The following INVS variants were observed in gnomAD, a reference collection of about 807,000 sequenced individuals.
The protein encoded by INVS is inversion of embryo turning homolog.
In INVS, 86 loss-of-function variants were observed where a neutral mutation model predicts 108.8. The observed-to-expected ratio is 0.79, with a 90% confidence interval of 0.66 to 0.95. INVS has a LOEUF of 0.95. Among genes scored for constraint, INVS ranks in the 40% least tolerant of loss-of-function variants. The pLI is 0.00. For missense variants in INVS, 1,169 were observed against 1,297.4 expected (o/e 0.90, Z 1.52); for synonymous variants, 455 against 473.5 (o/e 0.96, Z 0.51).
chr9:100,165,330 GT>G (rs1829327523), intron 3 of INVS, among the ~76,000 whole-genome samples: 1 of 152,090 alleles, frequency 6.6e-6, no homozygotes. Flanking sequence ...CACTGTGTCT[GT>G]TTTTATGATG....
intron 3 of INVS, among the ~76,000 whole-genome samples, chr9:100,199,617 AAACTT>A (rs1408072336): frequency 6.6e-6 from 1 of 152,188 alleles, no homozygotes; most frequent in Non-Finnish European, 1.5e-5. Context: ...ATGCCTCAGA[AAACTT>A]AACTATATCA....
chr9:100,282,103 C>T (rs115089054), intron 12 of INVS, among the ~76,000 whole-genome samples: 7 of 152,310 alleles, frequency 4.6e-5, no homozygotes, highest in Admixed American at 3.3e-4. Flanking sequence ...CCCTGCTCAT[C>T]GGTGCTGATA....
intron 3 of INVS, among the ~76,000 whole-genome samples, chr9:100,161,311 A>G (rs1829169512): frequency 7.2e-6 from 1 of 139,552 alleles, no homozygotes; most frequent in African/African-American, 2.8e-5. Context: ...AGGAGACGAG[A>G]TCGCACCACT....
In INVS at chr9:100,301,836, C is replaced by A. The variant is rs907491773; in HGVS notation, c.*1162C>A. On this transcript the variant is annotated 3_prime_UTR_variant, in exon 17 of 17. Coordinates refer to ENST00000262457, the MANE Select transcript of INVS (RefSeq NM_014425.5). ...TTATTACATTCATCGTTTTTGTGAT[C>A]ACAAAAACACAAAGAAGGAGGTCTG... Among the ~76,000 whole-genome samples the A allele has an allele frequency of 6.6e-6, 1 of 152,040 alleles. No homozygotes were observed. Among genetic ancestry groups the A allele is most frequent in the Non-Finnish European group, 1.5e-5 (1 of 68,016 alleles).
chr9:100,248,500 G>T (rs990838950), intron 8 of INVS, among the ~76,000 whole-genome samples: 3 of 151,210 alleles, frequency 2.0e-5, no homozygotes, highest in Non-Finnish European at 4.4e-5. Flanking sequence ...CCATTAAAAA[G>T]AGGTCTTACC....
At chr9:100,290,578 C>T (rs1461236009) in intron 13 of INVS, among the ~76,000 whole-genome samples, 1 of 152,128 alleles carries the variant, frequency 6.6e-6, no homozygotes, top group Non-Finnish European at 1.5e-5. Flanking sequence ...TCTCGAACTC[C>T]CGACCTCAGG....
At chr9:100,164,824 T>G (rs1325735960) in intron 3 of INVS, among the ~76,000 whole-genome samples, 8 of 152,094 alleles carry the variant, frequency 5.3e-5, no homozygotes, top group Admixed American at 1.3e-4. Flanking sequence ...TATATTGTGA[T>G]TGGCTGATAT....
At chr9:100,273,714 T>G (rs1050681823) in intron 12 of INVS, among the ~76,000 whole-genome samples, 6 of 151,394 alleles carry the variant, frequency 4.0e-5, no homozygotes, top group African/African-American at 7.3e-5. Context: ...ATTTTTGTAT[T>G]TTTAGTAGAG....
chr9:100,175,480 T>A, intron 3 of INVS: 2 of 820,712 alleles, frequency 2.4e-6, no homozygotes, highest in Non-Finnish European at 4.3e-6. Flanking sequence ...AGTGATAGAT[T>A]TCAGAGACAG....
intron 2 of INVS, among the ~76,000 whole-genome samples, chr9:100,119,798 T>A (rs1827668666): frequency 6.6e-6 from 1 of 152,198 alleles, no homozygotes; most frequent in Non-Finnish European, 1.5e-5. Context: ...GATCTGGTGA[T>A]CTGCCCACCT....
chr9:100,108,325 A>G (rs994378042), intron 2 of INVS, among the ~76,000 whole-genome samples: 13 of 152,196 alleles, frequency 8.5e-5, no homozygotes, highest in Admixed American at 6.6e-5. Context: ...TCTGTTTTCT[A>G]TCATCTTGTC....
At chr9:100,221,055 T>C (rs1831132458) in intron 3 of INVS, among the ~76,000 whole-genome samples, 1 of 151,828 alleles carries the variant, frequency 6.6e-6, no homozygotes, top group Admixed American at 6.6e-5. Context: ...ACATAAGAAC[T>C]CCTCAGTTCA....
At chr9:100,162,107 A>G (rs1008506757) in intron 3 of INVS, among the ~76,000 whole-genome samples, 1 of 152,210 alleles carries the variant, frequency 6.6e-6, no homozygotes, top group African/African-American at 2.4e-5. Flanking sequence ...TGGTATAATA[A>G]TAAGTAACGG....
At chr9:100,197,633 T>G (rs1830416577) in intron 3 of INVS, among the ~76,000 whole-genome samples, 1 of 152,128 alleles carries the variant, frequency 6.6e-6, no homozygotes, top group African/African-American at 2.4e-5. Context: ...ATAGGCATGA[T>G]TAACAACCAT....
At chr9:100,257,678 G>C (rs983058273) in intron 10 of INVS, among the ~76,000 whole-genome samples, 7 of 152,192 alleles carry the variant, frequency 4.6e-5, no homozygotes, top group African/African-American at 1.7e-4. Context: ...GCTTAGTTTG[G>C]CTGGATATGA....
chr9:100,254,430 A>G (rs1018233975), intron 10 of INVS, among the ~76,000 whole-genome samples: 5 of 152,122 alleles, frequency 3.3e-5, no homozygotes, highest in East Asian at 1.9e-4. Flanking sequence ...ATTAGATCCC[A>G]TTTGTCAATT....
chr9:100,299,604 CCCA>C lies in INVS; in HGVS notation c.3092-960_3092-958del, dbSNP rs201316476. ...CACACACACACAGCCTTGCAAACCA[CCCA>C]CCAAGAATCTCAGCAGAGCCTTTTA... On this transcript the variant is annotated intron_variant, in intron 16 of 16. Coordinates refer to ENST00000262457, the MANE Select transcript of INVS (RefSeq NM_014425.5). Among the ~76,000 whole-genome samples, 803 of 140,836 alleles carry C rather than the reference CCCA, an allele frequency of 5.7e-3. 17 individuals are homozygous for C. The highest frequency in any genetic ancestry group is 0.019 in the African/African-American group (672 of 36,122). The allele number at this position is 140,836 out of a possible 152,430, so 92.4% of individuals were successfully genotyped here.
At chr9:100,260,554 A>G (rs1437320995) in intron 10 of INVS, among the ~76,000 whole-genome samples, 2 of 152,324 alleles carry the variant, frequency 1.3e-5, no homozygotes, top group African/African-American at 4.8e-5. Context: ...CATGTGATAT[A>G]TAATCTTTTT....
chr9:100,126,336 A>T, intron 2 of INVS, 47 bp from the exon 3 acceptor site: 1 of 1,411,168 alleles, frequency 7.1e-7, no homozygotes, highest in Non-Finnish European at 1.0e-6. Context: ...TACTTATATT[A>T]GTAATAACAA....
Sources: allele counts gnomAD v4.1 joint callset (sites outside exome capture counted in the v4.1 genomes callset), GRCh38; gene constraint gnomAD v4.1.1; transcripts MANE v1.5; gene names NCBI Gene and HGNC (gene_info 2026-07-23, HGNC 2026-07-21).